HPSE2: variants seen among roughly 807,000 people sequenced by gnomAD.
HPSE2 encodes heparanase 2 (inactive).
HPSE2 carries 38 observed loss-of-function variants against 60.5 expected under a neutral mutation model. The observed-to-expected ratio is 0.63, with a 90% CI of 0.48 to 0.82. The LOEUF (loss-of-function observed/expected upper bound fraction) is 0.82. Among genes scored for constraint, HPSE2 ranks in the 40% least tolerant of loss-of-function variants. HPSE2 has a pLI of 0.00. For synonymous variants in HPSE2, 295 were observed against 293.2 expected, an observed-to-expected ratio of 1.01 and a Z score of -0.06; for missense variants, 713 against 740.4, an observed-to-expected ratio of 0.96 and a Z score of 0.43.
At chr10:99,178,728 C>G (rs1197024053) in intron 2 of HPSE2, among the ~76,000 whole-genome samples, 1 of 152,102 alleles carries the variant, frequency 6.6e-6, no homozygotes, top group Non-Finnish European at 1.5e-5. Context: ...GAAACTATTC[C>G]AAACAACAGA....
Position 98,600,893 on chromosome 10 carries a change from GTATA to G in HPSE2, c.1320+14007_1320+14010del, listed in dbSNP as rs374470816. Among the ~76,000 whole-genome samples, 184 of 38,226 alleles carry G rather than the reference GTATA, an allele frequency of 4.8e-3. 2 individuals are homozygous for G. The highest frequency in any genetic ancestry group is 0.017 in the Middle Eastern group (1 of 58). The allele number at this position is 38,226 out of a possible 152,430, so 25.1% of individuals were successfully genotyped here. A position where few individuals can be genotyped will look rare whatever the true frequency, so the allele number is the denominator to read the frequency against. On this transcript the variant is annotated intron_variant, in intron 9 of 11. Coordinates refer to ENST00000370552, the MANE Select transcript of HPSE2 (RefSeq NM_021828.5). ...TATATATGTATATATACATATATAC[GTATA>G]TATATGTGTGTGTGTATATATATAT...
chr10:98,689,149 G>T (rs2134158395), intron 6 of HPSE2, among the ~76,000 whole-genome samples: 1 of 152,130 alleles, frequency 6.6e-6, no homozygotes, highest in South Asian at 2.1e-4. Flanking sequence ...AAAATTGGGA[G>T]AAGTTCAGCT....
At chr10:98,612,688 T>G (rs1945794650) in intron 9 of HPSE2, among the ~76,000 whole-genome samples, 1 of 152,224 alleles carries the variant, frequency 6.6e-6, no homozygotes, top group Non-Finnish European at 1.5e-5. Context: ...TTCAGAGCAT[T>G]GTAGATGCCA....
intron 3 of HPSE2, among the ~76,000 whole-genome samples, chr10:98,826,334 A>G (rs1951547070): frequency 6.6e-6 from 1 of 152,196 alleles, no homozygotes; most frequent in Admixed American, 6.5e-5. Flanking sequence ...CATTCATTTT[A>G]CCACACTGTA....
Position 98,736,224 on chromosome 10 carries a change from T to TTA in HPSE2, c.784+7658_784+7659insTA, listed in dbSNP as rs57396068. On this transcript the variant is annotated intron_variant, in intron 4 of 11. Transcript: ENST00000370552. ...TCCCCTTTTGCTTGGTTTTTTTTTT[T>TTA]ATTCAGTTCTGGCTGCTGCCATTTA... Among the ~76,000 whole-genome samples the TTA allele has an allele frequency of 3.5e-4, 53 of 151,620 alleles. 1 individual carries two copies. Among genetic ancestry groups the TTA allele is most frequent in the African/African-American group, 8.0e-4 (33 of 41,372 alleles).
intron 9 of HPSE2, among the ~76,000 whole-genome samples, chr10:98,569,883 G>T (rs1303569553): frequency 1.3e-5 from 2 of 152,026 alleles, no homozygotes; most frequent in African/African-American, 4.8e-5. Context: ...TGCCTCCTGG[G>T]TCCTCCAACT....
intron 3 of HPSE2, among the ~76,000 whole-genome samples, chr10:99,027,598 A>G (rs1233710111): frequency 2.6e-5 from 4 of 152,130 alleles, no homozygotes; most frequent in Non-Finnish European, 5.9e-5. Context: ...GGAATACTTC[A>G]AAACTCATTC....
intron 3 of HPSE2, among the ~76,000 whole-genome samples, chr10:98,856,608 C>CA (rs760813135): frequency 7.3e-4 from 110 of 150,250 alleles, no homozygotes; most frequent in Non-Finnish European, 1.4e-3. Context: ...ATTTCATAAG[C>CA]AAAAAAAAAT....
At chr10:98,835,389 G>A (rs1951768456) in intron 3 of HPSE2, among the ~76,000 whole-genome samples, 1 of 151,846 alleles carries the variant, frequency 6.6e-6, no homozygotes, top group Non-Finnish European at 1.5e-5. Flanking sequence ...AAATGAACAA[G>A]ACAAAACTAC....
intron 3 of HPSE2, among the ~76,000 whole-genome samples, chr10:98,825,800 CTT>C (rs983284309): frequency 6.6e-6 from 1 of 152,166 alleles, no homozygotes; most frequent in Non-Finnish European, 1.5e-5. Context: ...AAAGAGAAGA[CTT>C]ATATACACAC....
chr10:99,153,843 G>A (rs993523322), intron 2 of HPSE2, among the ~76,000 whole-genome samples: 1 of 151,380 alleles, frequency 6.6e-6, no homozygotes, highest in South Asian at 2.1e-4. Context: ...TAAAGAAGTT[G>A]AAAACTTTGA....
the HPSE2 span, among the ~76,000 whole-genome samples, chr10:99,281,987 C>T: frequency 1.6e-4 from 25 of 151,970 alleles, no homozygotes; most frequent in African/African-American, 5.1e-4. Flanking sequence ...AGGCCGGGTG[C>T]GGTGGCTCAT....
intron 3 of HPSE2, among the ~76,000 whole-genome samples, chr10:99,042,586 T>G (rs910583720): frequency 6.6e-6 from 1 of 151,348 alleles, no homozygotes; most frequent in African/African-American, 2.4e-5. Flanking sequence ...CAGTGCACAC[T>G]CAGAGCACAA....
intron 6 of HPSE2, among the ~76,000 whole-genome samples, chr10:98,660,827 G>A (rs140452866): frequency 3.5e-4 from 53 of 152,282 alleles, no homozygotes; most frequent in African/African-American, 1.2e-3. Flanking sequence ...ATGAATCCCT[G>A]TCTTTCATCT....
rs200525907 is a variant in HPSE2 at position 98,482,768 on chromosome 10, C to T, written c.1481G>A (p.Arg494His). 43 of 1,614,090 alleles carry T rather than the reference C, an allele frequency of 2.7e-5. No homozygotes were observed. The highest frequency in any genetic ancestry group is 3.3e-5 in the South Asian group (3 of 91,064). ...CTNHHNHNYVRGSITLFIINL... is the reference protein window; with the variant it reads ...CTNHHNHNYVHGSITLFIINL... ...GATGATAAAAAGTGTAATGGACCCA[C>T]GAACGTAGTTGTGGCTGAGATCCAG... Residue 494 changes from arginine (R) to histidine (H), a missense_variant, in exon 11 of 12, where the codon CGT becomes CAT. Arg to His is a conservative substitution (Grantham distance 29). Coordinates refer to ENST00000370552, the MANE Select transcript of HPSE2 (RefSeq NM_021828.5).
intron 3 of HPSE2, among the ~76,000 whole-genome samples, chr10:98,794,196 T>C (rs925274924): frequency 4.6e-5 from 7 of 152,152 alleles, no homozygotes; most frequent in Non-Finnish European, 7.4e-5. Context: ...CCCCAAAATG[T>C]CCTTTATAGA....
chr10:98,899,177 C>T (rs142012008), intron 3 of HPSE2, among the ~76,000 whole-genome samples: 5 of 152,276 alleles, frequency 3.3e-5, no homozygotes, highest in African/African-American at 1.2e-4. Context: ...AAAGCAATTG[C>T]AAACGACATG....
the HPSE2 span, among the ~76,000 whole-genome samples, chr10:99,300,315 G>A: frequency 1.1e-4 from 16 of 152,094 alleles, no homozygotes; most frequent in African/African-American, 1.7e-4. Flanking sequence ...GGTCCTCTAC[G>A]GCTCCCACTG....
rs1798839772 is a variant in HPSE2 at position 99,235,561 on chromosome 10, A to T, written c.242T>A (p.Leu81Gln). ...VRTVNENFLS[L>Q]QLDPSIIHDG... is the part of the protein sequence containing the mutation. ...ATGAATGATGGACGGATCCAGCTGC[A>T]GAGAGAGGAAGTTCTCATTGACTGT... Residue 81 changes from leucine to glutamine, a missense_variant, in exon 1 of 12, where the codon CTG becomes CAG. Leu to Gln is a moderately radical substitution (Grantham distance 113). Transcript: ENST00000370552. The T allele has an allele frequency of 6.2e-7, 1 of 1,614,120 alleles. No individual in the cohort carries two copies. Among genetic ancestry groups the T allele is most frequent in the African/African-American group, 1.3e-5 (1 of 75,032 alleles).
Sources: gnomAD v4.1 joint callset for allele counts (sites outside exome capture counted in the v4.1 genomes callset) on GRCh38, gnomAD v4.1.1 for gene constraint, MANE v1.5 for transcripts, NCBI Gene and HGNC (gene_info 2026-07-23, HGNC 2026-07-21) for gene names.